The following RELN variants were observed in gnomAD, a reference collection of about 807,000 sequenced individuals.
RELN encodes reelin.
RELN carries 108 observed loss-of-function variants against 427.6 expected under a neutral mutation model. The ratio of observed to expected loss-of-function variants is 0.25; its 90% CI spans 0.22 to 0.30. The LOEUF (loss-of-function observed/expected upper bound fraction) is 0.30. RELN is among the 10% of genes least tolerant of loss of function. RELN has a pLI of 1.00. For missense variants in RELN, 3,715 were observed against 4,302.8 expected, an observed-to-expected ratio of 0.86 and a Z score of 3.82; for synonymous variants, 1,524 against 1,513.4, an observed-to-expected ratio of 1.01 and a Z score of -0.16.
At chr7:103,888,637 T>C (rs1794776833) in intron 2 of RELN, among the ~76,000 whole-genome samples, 1 of 152,124 alleles carries the variant, frequency 6.6e-6, no homozygotes, top group Admixed American at 6.6e-5. Context: ...TACTTGCCTG[T>C]CCTTGGCCTT....
intron 64 of RELN, among the ~76,000 whole-genome samples, chr7:103,473,888 C>T (rs918762308): frequency 2.6e-5 from 4 of 152,078 alleles, no homozygotes; most frequent in Admixed American, 2.0e-4. Flanking sequence ...ACTGAGTTTC[C>T]TCATGGTCCC....
chr7:103,724,167 T>C (rs1790144882), intron 7 of RELN, among the ~76,000 whole-genome samples: 1 of 141,372 alleles, frequency 7.1e-6, no homozygotes, highest in Non-Finnish European at 1.6e-5. Flanking sequence ...GTCTTACTTT[T>C]GCTGCTTTTT....
intron 1 of RELN, among the ~76,000 whole-genome samples, chr7:103,980,570 C>G (rs1796969977): frequency 6.6e-6 from 1 of 152,038 alleles, no homozygotes. Context: ...AGGATGGATT[C>G]TGGAGAACTA....
chr7:103,607,231 A>G (rs1831842320), intron 22 of RELN, among the ~76,000 whole-genome samples: 1 of 152,124 alleles, frequency 6.6e-6, no homozygotes, highest in South Asian at 2.1e-4. Context: ...GTACCCTAAA[A>G]CTTAAAGTAT....
At chr7:103,716,889 G>A (rs1356432562) in intron 8 of RELN, among the ~76,000 whole-genome samples, 1 of 152,174 alleles carries the variant, frequency 6.6e-6, no homozygotes, top group Non-Finnish European at 1.5e-5. Flanking sequence ...TCATGGAGGA[G>A]TGGTGTTTGA....
chr7:103,783,140 C>T (rs974813557), intron 3 of RELN, among the ~76,000 whole-genome samples: 2 of 147,172 alleles, frequency 1.4e-5, no homozygotes, highest in African/African-American at 2.5e-5. Flanking sequence ...CAGCAAATTA[C>T]AGTACTTTCT....
chr7:103,625,574 A>G (rs1315745158), intron 20 of RELN, among the ~76,000 whole-genome samples: 1 of 152,202 alleles, frequency 6.6e-6, no homozygotes, highest in Non-Finnish European at 1.5e-5. Flanking sequence ...GGCTCATGGT[A>G]GGTATTTGCT....
chr7:103,488,685 C>T, intron 60 of RELN, among the ~76,000 whole-genome samples: 1 of 152,208 alleles, frequency 6.6e-6, no homozygotes, highest in Non-Finnish European at 1.5e-5. Flanking sequence ...ATAAATCTCT[C>T]AGCCATGAGT....
chr7:103,799,835 AAGTG>A (rs1470710880), intron 3 of RELN, among the ~76,000 whole-genome samples: 3 of 152,156 alleles, frequency 2.0e-5, no homozygotes, highest in African/African-American at 7.2e-5. Context: ...GCACATTAAT[AAGTG>A]ACTTAACCTC....
chr7:103,727,876 G>A (rs1790252801), intron 7 of RELN, among the ~76,000 whole-genome samples: 1 of 152,014 alleles, frequency 6.6e-6, no homozygotes, highest in Non-Finnish European at 1.5e-5. Context: ...TCATAGTGAT[G>A]TTCCATGTTT....
chr7:103,588,332 T>G (rs1269230782), intron 28 of RELN, among the ~76,000 whole-genome samples: 1 of 149,300 alleles, frequency 6.7e-6, no homozygotes, highest in Non-Finnish European at 1.5e-5. Context: ...CGATCACATG[T>G]TTTTCATACA....
intron 57 of RELN, among the ~76,000 whole-genome samples, chr7:103,493,608 T>C (rs1828737130): frequency 6.6e-6 from 1 of 152,112 alleles, no homozygotes; most frequent in Non-Finnish European, 1.5e-5. Flanking sequence ...AGAATGTCTA[T>C]GGAGAGAGAA....
intron 8 of RELN, among the ~76,000 whole-genome samples, chr7:103,719,215 T>G (rs1055539073): frequency 6.6e-6 from 1 of 152,154 alleles, no homozygotes; most frequent in Admixed American, 6.5e-5. Flanking sequence ...ACATTGCTCA[T>G]AGCTACCAGG....
At chr7:103,606,365 A>G (rs1584338345) in intron 22 of RELN, among the ~76,000 whole-genome samples, 1 of 152,202 alleles carries the variant, frequency 6.6e-6, no homozygotes, top group African/African-American at 2.4e-5. Context: ...TAGGTGACGG[A>G]ATGAAGAATG....
intron 20 of RELN, among the ~76,000 whole-genome samples, chr7:103,624,392 A>C (rs1400749759): frequency 6.6e-6 from 1 of 151,984 alleles, no homozygotes; most frequent in Non-Finnish European, 1.5e-5. Flanking sequence ...ACATCGTCAC[A>C]TACCACTCAA....
At chr7:103,885,574 A>C (rs1161613392) in intron 2 of RELN, among the ~76,000 whole-genome samples, 1 of 151,996 alleles carries the variant, frequency 6.6e-6, no homozygotes, top group Non-Finnish European at 1.5e-5. Context: ...AACATCACAC[A>C]CCGGGGCCTG....
intron 2 of RELN, among the ~76,000 whole-genome samples, chr7:103,896,224 G>A (rs567344250): frequency 6.6e-6 from 1 of 152,212 alleles, no homozygotes; most frequent in East Asian, 1.9e-4. Flanking sequence ...TGCTATGTTG[G>A]TGAGTGTGTT....
intron 19 of RELN, 87 bp from the exon 20 acceptor site, chr7:103,630,263 A>G: frequency 2.2e-6 from 2 of 907,664 alleles, no homozygotes; most frequent in Non-Finnish European, 3.5e-6. Context: ...CCCCTGAAGT[A>G]TAGTATTAAA....
At chr7:103,889,853 T>C (rs1245592323) in intron 2 of RELN, among the ~76,000 whole-genome samples, 1 of 152,108 alleles carries the variant, frequency 6.6e-6, no homozygotes, top group Admixed American at 6.5e-5. Flanking sequence ...TAGAAACATT[T>C]TCCCAACCTC....
Sources: gnomAD v4.1 joint callset for allele counts (sites outside exome capture counted in the v4.1 genomes callset) on GRCh38, gnomAD v4.1.1 for gene constraint, MANE v1.5 for transcripts, NCBI Gene and HGNC (gene_info 2026-07-23, HGNC 2026-07-21) for gene names.